Variants in ITGBL1 observed in about 807,000 individuals in gnomAD.
The protein encoded by ITGBL1 is integrin subunit beta like 1.
A neutral mutation model predicts 68.5 loss-of-function variants in ITGBL1; 51 were observed. That is an observed-to-expected ratio of 0.74 (90% CI 0.59 to 0.94). The LOEUF (loss-of-function observed/expected upper bound fraction) is 0.94. Among genes scored for constraint, ITGBL1 ranks in the 40% least tolerant of loss-of-function variants. The probability of loss-of-function intolerance (pLI) is 0.00; values close to 1 mark genes in which losing one functional copy is unlikely to be tolerated. For missense variants in ITGBL1, 649 were observed against 647.4 expected, an observed-to-expected ratio of 1.00 and a Z score of -0.03; for synonymous variants, 209 against 227.3, an observed-to-expected ratio of 0.92 and a Z score of 0.72.
chr13:101,518,436 A>G (rs1436872895), intron 2 of ITGBL1, among the ~76,000 whole-genome samples: 1 of 152,200 alleles, frequency 6.6e-6, no homozygotes, highest in Non-Finnish European at 1.5e-5. Context: ...CCAAACAGTT[A>G]AGAGTCACGT....
intron 7 of ITGBL1, among the ~76,000 whole-genome samples, chr13:101,629,371 A>T (rs527969300): frequency 9.9e-5 from 15 of 152,108 alleles, no homozygotes; most frequent in Non-Finnish European, 1.9e-4. Flanking sequence ...ACCATTTTTA[A>T]TTTTGTGTCT....
intron 2 of ITGBL1, among the ~76,000 whole-genome samples, chr13:101,548,613 A>G (rs909467753): frequency 6.6e-6 from 1 of 151,818 alleles, no homozygotes; most frequent in East Asian, 1.9e-4. Flanking sequence ...CATTTTAAAC[A>G]TTGTTTTATA....
At chr13:101,555,163 T>C (rs1037262871) in intron 2 of ITGBL1, among the ~76,000 whole-genome samples, 15 of 152,204 alleles carry the variant, frequency 9.9e-5, no homozygotes, top group Non-Finnish European at 2.1e-4. Flanking sequence ...GCTTAAAAAA[T>C]AGAATTTTTC....
chr13:101,671,470 G>T (rs540190548), intron 7 of ITGBL1, among the ~76,000 whole-genome samples: 1 of 110,404 alleles, frequency 9.1e-6, no homozygotes, highest in Non-Finnish European at 1.7e-5. Flanking sequence ...ACGGAGTCTC[G>T]CTCTGTCGCC....
At chr13:101,554,353 G>A (rs1349405474) in intron 2 of ITGBL1, among the ~76,000 whole-genome samples, 2 of 152,144 alleles carry the variant, frequency 1.3e-5, no homozygotes, top group Non-Finnish European at 2.9e-5. Context: ...TAATCCTTGG[G>A]AGTAAACTGT....
rs74120606 is a variant in ITGBL1 at position 101,645,549 on chromosome 13, A to C, written c.1016-47036A>C. ...AGGGGGTCATTATATTGTATAGGCA[A>C]CTAGCATTCTCATTGCTTTTTCTCT... On this transcript the variant is annotated intron_variant, in intron 7 of 10. Coordinates refer to ENST00000376180, the MANE Select transcript of ITGBL1 (RefSeq NM_004791.3). Among the ~76,000 whole-genome samples, 1,039 of 152,292 alleles carry C rather than the reference A, an allele frequency of 6.8e-3. 10 individuals carry two copies. The highest frequency in any genetic ancestry group is 0.024 in the African/African-American group (986 of 41,558).
At chr13:101,545,931 G>T (rs2049814333) in intron 2 of ITGBL1, among the ~76,000 whole-genome samples, 1 of 152,080 alleles carries the variant, frequency 6.6e-6, no homozygotes, top group Non-Finnish European at 1.5e-5. Flanking sequence ...AATCCCCAAA[G>T]TCCCACAGCA....
In ITGBL1 at chr13:101,452,861, T is replaced by C. The variant is rs769068887; in HGVS notation, c.28T>C (p.Leu10=). 2.5e-6 allele frequency: 4 copies of C among 1,614,098 alleles called. No homozygotes were observed. Among genetic ancestry groups the C allele is most frequent in the African/African-American group, 1.3e-5 (1 of 74,946 alleles). ...GCGTCCCCCAGGCTTCAGGAACTTC[T>C]TGCTGCTGGCGTCCTCCCTTCTCTT... MRPPGFRNF[L]LLASSLLFAG... Residue 10 remains leucine, a synonymous_variant, in exon 1 of 11, where the codon TTG becomes CTG. Transcript: ENST00000376180.
At position 101,682,881 on chromosome 13, in the gene ITGBL1, C is replaced by T. The variant is rs186088766; in HGVS notation, c.1016-9704C>T. On this transcript the variant is annotated intron_variant, in intron 7 of 10. Coordinates refer to ENST00000376180, the MANE Select transcript of ITGBL1 (RefSeq NM_004791.3). Reference sequence around the variant, plus strand: ...GGTGTCATATTTAGAATAGTTTTCTCACCCAAGTGTTATGAAAACTCTCAC... The same window carrying T: ...GGTGTCATATTTAGAATAGTTTTCTTACCCAAGTGTTATGAAAACTCTCAC... Among the ~76,000 whole-genome samples the T allele has an allele frequency of 2.1e-3, 319 of 152,062 alleles. 2 individuals carry two copies. The highest frequency in any genetic ancestry group is 0.01 in the Middle Eastern group (3 of 294).
chr13:101,579,545 C>G, intron 5 of ITGBL1, 118 bp downstream of exon 5: 2 of 1,039,074 alleles, frequency 1.9e-6, no homozygotes, highest in Non-Finnish European at 2.7e-6. Flanking sequence ...TAACCATTTA[C>G]TTTGATGTAA....
At chr13:101,705,410 C>T (rs1435889634) in intron 8 of ITGBL1, among the ~76,000 whole-genome samples, 5 of 151,888 alleles carry the variant, frequency 3.3e-5, no homozygotes, top group South Asian at 2.1e-4. Context: ...TTACTTACCA[C>T]GTCCTACCGA....
At chr13:101,544,635 A>G (rs2049783535) in intron 2 of ITGBL1, among the ~76,000 whole-genome samples, 1 of 152,154 alleles carries the variant, frequency 6.6e-6, no homozygotes, top group African/African-American at 2.4e-5. Flanking sequence ...TTGTTTGGCT[A>G]TGCCCCGCCC....
intron 9 of ITGBL1, 147 bp downstream of exon 9, chr13:101,707,049 A>G: frequency 1.3e-6 from 1 of 750,992 alleles, no homozygotes; most frequent in African/African-American, 1.7e-5. Context: ...AAGCTTGAAG[A>G]TTAACCAAAT....
intron 2 of ITGBL1, among the ~76,000 whole-genome samples, chr13:101,473,572 A>G (rs2139647186): frequency 6.6e-6 from 1 of 152,306 alleles, no homozygotes; most frequent in South Asian, 2.1e-4. Flanking sequence ...TTGAAAGACA[A>G]TCTAGACCAT....
At chr13:101,596,435 C>T (rs1180124042) in intron 6 of ITGBL1, among the ~76,000 whole-genome samples, 1 of 150,902 alleles carries the variant, frequency 6.6e-6, no homozygotes, top group Non-Finnish European at 1.5e-5. Flanking sequence ...TCCCACTGCA[C>T]ATAGACACAC....
At chr13:101,588,758 C>G (rs1218722266) in intron 6 of ITGBL1, among the ~76,000 whole-genome samples, 3 of 151,226 alleles carry the variant, frequency 2.0e-5, no homozygotes, top group Non-Finnish European at 4.4e-5. Context: ...TAAATAGATA[C>G]CATTATCTCT....
intron 7 of ITGBL1, among the ~76,000 whole-genome samples, chr13:101,622,399 C>T (rs2031618653): frequency 1.3e-5 from 2 of 152,128 alleles, no homozygotes; most frequent in African/African-American, 2.4e-5. Flanking sequence ...CTTGCTTTTG[C>T]CCTTCTCTCT....
chr13:101,681,829 T>C (rs1566788926), intron 7 of ITGBL1, among the ~76,000 whole-genome samples: 1 of 152,116 alleles, frequency 6.6e-6, no homozygotes, highest in East Asian at 1.9e-4. Context: ...CGCATGTGTG[T>C]ATATGTGTGT....
chr13:101,647,097 G>A (rs1000325202), intron 7 of ITGBL1, among the ~76,000 whole-genome samples: 1 of 152,034 alleles, frequency 6.6e-6, no homozygotes, highest in Non-Finnish European at 1.5e-5. Context: ...ATTAAAATGT[G>A]TTAAATATCT....
Sources: allele counts gnomAD v4.1 joint callset (sites outside exome capture counted in the v4.1 genomes callset), GRCh38; gene constraint gnomAD v4.1.1; transcripts MANE v1.5; gene names NCBI Gene and HGNC (gene_info 2026-07-23, HGNC 2026-07-21).